Variants in FHIT observed in about 807,000 individuals in gnomAD.
The protein encoded by FHIT is fragile histidine triad diadenosine triphosphatase.
A neutral mutation model predicts 17.9 loss-of-function variants in FHIT; 19 were observed. The ratio of observed to expected loss-of-function variants is 1.06; its 90% CI spans 0.74 to 1.56. FHIT has a LOEUF of 1.56. Ranked by LOEUF, FHIT falls within the 40% of genes most tolerant of loss-of-function variation. FHIT has a pLI of 0.00. For missense variants in FHIT, 248 were observed against 189.2 expected, an observed-to-expected ratio of 1.31 and a Z score of -1.82; for synonymous variants, 81 against 69.7, an observed-to-expected ratio of 1.16 and a Z score of -0.81.
chr3:60,808,853 T>C (rs915887658), intron 4 of FHIT, among the ~76,000 whole-genome samples: 3 of 152,212 alleles, frequency 2.0e-5, no homozygotes, highest in African/African-American at 7.2e-5. Flanking sequence ...AACTTCAGCA[T>C]GAGTAATTCT....
intron 2 of FHIT, among the ~76,000 whole-genome samples, chr3:61,191,053 T>C (rs9851252): frequency 0.4 from 61,264 of 151,282 alleles, 13,088 homozygotes; most frequent in East Asian, 0.8. Context: ...GCACATTGCG[T>C]ACATGTACCC....
intron 8 of FHIT, among the ~76,000 whole-genome samples, chr3:59,758,295 T>G (rs1701321507): frequency 2.0e-5 from 3 of 152,166 alleles, no homozygotes; most frequent in Admixed American, 2.0e-4. Flanking sequence ...ACCAACTAAT[T>G]ACAGCACTGT....
intron 4 of FHIT, among the ~76,000 whole-genome samples, chr3:60,613,565 T>C (rs528011374): frequency 1.3e-5 from 2 of 152,254 alleles, no homozygotes; most frequent in East Asian, 3.9e-4. Context: ...TCTTTTCTCC[T>C]CCCTCCAGCC....
At chr3:59,924,174 G>A (rs1002722050) in intron 7 of FHIT, among the ~76,000 whole-genome samples, 1 of 152,156 alleles carries the variant, frequency 6.6e-6, no homozygotes, top group African/African-American at 2.4e-5. Context: ...AGCAAAACCA[G>A]GAAAATAACG....
chr3:60,923,442 C>T (rs1243092128), intron 3 of FHIT, among the ~76,000 whole-genome samples: 1 of 152,192 alleles, frequency 6.6e-6, no homozygotes, highest in Non-Finnish European at 1.5e-5. Flanking sequence ...GTACACAAAG[C>T]ATTTTAAATA....
intron 5 of FHIT, among the ~76,000 whole-genome samples, chr3:60,394,277 A>T (rs192649291): frequency 6.6e-6 from 1 of 152,296 alleles, no homozygotes; most frequent in East Asian, 1.9e-4. Flanking sequence ...TACAGTTCTT[A>T]ACTTTCTATT....
chr3:60,505,458 A>G (rs779003132), intron 5 of FHIT, among the ~76,000 whole-genome samples: 1 of 152,220 alleles, frequency 6.6e-6, no homozygotes, highest in Non-Finnish European at 1.5e-5. Flanking sequence ...TAGTTATTAG[A>G]AAGAAAATTT....
At chr3:60,148,698 A>G (rs541380504) in intron 5 of FHIT, among the ~76,000 whole-genome samples, 8 of 152,188 alleles carry the variant, frequency 5.3e-5, no homozygotes, top group Non-Finnish European at 1.2e-4. Context: ...GATAACTAAG[A>G]TAAAAGAATG....
At chr3:60,473,029 A>G (rs532671367) in intron 5 of FHIT, among the ~76,000 whole-genome samples, 1 of 152,320 alleles carries the variant, frequency 6.6e-6, no homozygotes, top group East Asian at 1.9e-4. Context: ...AACCAATGAA[A>G]TGCATGTCCC....
At chr3:60,975,548 T>G (rs1710195726) in intron 3 of FHIT, among the ~76,000 whole-genome samples, 1 of 152,020 alleles carries the variant, frequency 6.6e-6, no homozygotes, top group Admixed American at 6.6e-5. Context: ...AAATGAGAAA[T>G]CAAAAGAACA....
intron 5 of FHIT, among the ~76,000 whole-genome samples, chr3:60,272,291 G>C (rs924356850): frequency 2.0e-5 from 3 of 152,196 alleles, no homozygotes; most frequent in Non-Finnish European, 2.9e-5. Flanking sequence ...AGGTACAGAA[G>C]ACAGGAACAC....
intron 5 of FHIT, among the ~76,000 whole-genome samples, chr3:60,256,867 A>G (rs1318739578): frequency 1.3e-5 from 2 of 152,132 alleles, no homozygotes; most frequent in African/African-American, 4.8e-5. Context: ...AGCTCCCATC[A>G]TGTTCTTCAG....
intron 4 of FHIT, among the ~76,000 whole-genome samples, chr3:60,638,849 C>A (rs943568975): frequency 6.6e-6 from 1 of 151,686 alleles, no homozygotes; most frequent in African/African-American, 2.4e-5. Flanking sequence ...ATCTTCTCAA[C>A]AAACAAATGT....
intron 5 of FHIT, among the ~76,000 whole-genome samples, chr3:60,298,189 G>T (rs1168039364): frequency 6.6e-6 from 1 of 152,050 alleles, no homozygotes; most frequent in Non-Finnish European, 1.5e-5. Flanking sequence ...TGTTTATGAA[G>T]CTTCATTTCT....
chr3:60,619,098 T>A (rs1431190333), intron 4 of FHIT, among the ~76,000 whole-genome samples: 1 of 152,072 alleles, frequency 6.6e-6, no homozygotes, highest in African/African-American at 2.4e-5. Context: ...AAGATTAACA[T>A]AGCAACTAAG....
chr3:60,173,915 A>ATATATATATATATATATTTTTTTTTTTTT lies in FHIT; in HGVS notation c.104-159764_104-159763insAAAAAAAAAAAAATATATATATATATATA. 6.0e-5 allele frequency among the ~76,000 whole-genome samples: 4 copies of ATATATATATATATATATTTTTTTTTTTTT among 66,444 alleles called. 1 individual carries two copies. Among genetic ancestry groups the ATATATATATATATATATTTTTTTTTTTTT allele is most frequent in the Non-Finnish European group, 1.1e-4 (4 of 36,124 alleles). The allele number at this position is 66,444 out of a possible 152,430, so 43.6% of individuals were successfully genotyped here. ...TATATATATATATATATATATATAT[A>ATATATATATATATATATTTTTTTTTTTTT]TGTTTTTTTTTTTTTTTGAGATCGA... On this transcript the variant is annotated intron_variant, in intron 5 of 9. Transcript: ENST00000492590.
intron 3 of FHIT, among the ~76,000 whole-genome samples, chr3:60,966,131 A>G (rs1709729120): frequency 6.6e-6 from 1 of 152,146 alleles, no homozygotes; most frequent in Non-Finnish European, 1.5e-5. Context: ...CTCAAGCCTC[A>G]GCAATTGCGG....
intron 5 of FHIT, among the ~76,000 whole-genome samples, chr3:60,117,761 A>G (rs1267094082): frequency 6.6e-6 from 1 of 152,008 alleles, no homozygotes; most frequent in African/African-American, 2.4e-5. Context: ...TAGATGATGA[A>G]GGTTAAGAAG....
chr3:60,784,304 G>A (rs1559719538), intron 4 of FHIT, among the ~76,000 whole-genome samples: 2 of 151,572 alleles, frequency 1.3e-5, no homozygotes, highest in African/African-American at 4.9e-5. Context: ...GTTCTCAGGT[G>A]ACCTGCTCTA....
Sources: allele counts gnomAD v4.1 joint callset (sites outside exome capture counted in the v4.1 genomes callset), GRCh38; gene constraint gnomAD v4.1.1; transcripts MANE v1.5; gene names NCBI Gene and HGNC (gene_info 2026-07-23, HGNC 2026-07-21).